Variants in STK26 observed in about 807,000 individuals in gnomAD.
The protein encoded by STK26 is serine/threonine-protein kinase 26.
Under a neutral mutation model 34.7 loss-of-function variants are expected in STK26, and 14 were observed. That is an observed-to-expected ratio of 0.40 (90% CI 0.27 to 0.63). STK26 has a LOEUF of 0.63. Among genes scored for constraint, STK26 ranks in the 30% least tolerant of loss-of-function variants. The pLI is 0.38. For synonymous variants in STK26, 100 were observed against 109.8 expected (o/e 0.91, Z 0.56); for missense variants, 226 against 309.1 (o/e 0.73, Z 2.02).
chrX:132,072,241 T>C (rs996160993), intron 8 of STK26, 27 bp from the exon 9 acceptor site: 5 of 1,131,333 alleles, frequency 4.4e-6, no homozygotes, highest in African/African-American at 3.6e-5. Flanking sequence ...TGGGCACTTA[T>C]AGAGGTATCT....
chrX:132,050,135 C>T (rs2124163770), intron 2 of STK26, among the ~76,000 whole-genome samples: 1 of 111,190 alleles, frequency 9.0e-6, no homozygotes, highest in South Asian at 3.8e-4. Flanking sequence ...AAGACTAATT[C>T]TAAATCCGTC....
At chrX:132,051,437 A>G (rs1358695357) in intron 2 of STK26, among the ~76,000 whole-genome samples, 1 of 111,380 alleles carries the variant, frequency 9.0e-6, no homozygotes, top group Non-Finnish European at 1.9e-5. Context: ...ATCATCTGTC[A>G]TTAATAAGTC....
At chrX:132,046,120 A>G (rs1926490915) in intron 2 of STK26, among the ~76,000 whole-genome samples, 1 of 112,112 alleles carries the variant, frequency 8.9e-6, no homozygotes, top group South Asian at 3.7e-4. Context: ...GAAATGTCTC[A>G]TTCTTCTTTA....
At position 132,067,311 on chromosome X, in the gene STK26, T is replaced by C. The variant is rs147829879; in HGVS notation, c.331-904T>C. Among the ~76,000 whole-genome samples the C allele has an allele frequency of 4.3e-3, 475 of 111,700 alleles. 5 individuals carry two copies. The highest frequency in any genetic ancestry group is 0.014 in the African/African-American group (446 of 30,801). ...CAGTGTGAGGCAGAGTGGGCAATGT[T>C]TGATTTTCACCACCTCTTCCCTCCT... On this transcript the variant is annotated intron_variant, in intron 4 of 11. Transcript: ENST00000394334.
intron 3 of STK26, among the ~76,000 whole-genome samples, chrX:132,057,325 A>G (rs924462012): frequency 1.8e-5 from 2 of 111,829 alleles, no homozygotes; most frequent in Non-Finnish European, 1.9e-5. Flanking sequence ...TCTGCAGAGC[A>G]GGCCACTGGG....
chrX:132,028,578 T>A (rs891411947), intron 2 of STK26, among the ~76,000 whole-genome samples: 5 of 111,420 alleles, frequency 4.5e-5, no homozygotes, highest in African/African-American at 1.6e-4. Flanking sequence ...ACTAGAGACA[T>A]CAAGGAGGGA....
At position 132,071,217 on chromosome X, in the gene STK26, C is replaced by T. The variant is rs981132606; in HGVS notation, c.932C>T (p.Ser311Leu). 2.5e-6 allele frequency: 3 copies of T among 1,204,769 alleles called. No homozygotes were observed. Among genetic ancestry groups the T allele is most frequent in the South Asian group, 1.8e-5 (1 of 55,465 alleles). ...GAATCTGATTCCGAGGGCTCTGATT[C>T]GTATGTACAAATTATTTAATTTTTA... Reference protein sequence around the residue: ...DDESDSEGSDSESTSRENNTH... With the variant: ...DDESDSEGSDLESTSRENNTH... The change falls in exon 8 of 12, where the codon TCG becomes TTG. Residue 311 changes from serine (S) to leucine (L), a missense_variant and splice_region_variant. Ser to Leu is a moderately radical substitution (Grantham distance 145, BLOSUM62 -2). Coordinates refer to ENST00000394334, the MANE Select transcript of STK26 (RefSeq NM_016542.4).
chrX:132,073,010 C>T lies in STK26; in HGVS notation c.1143C>T (p.Leu381=), dbSNP rs34419165. ...GCAGGAATCAGGCGATTGAAGAACT[C>T]GAGAAAAGTATTGCTGTGGCTGAAG... ...NASRNQAIEE[L]EKSIAVAEAA... The change falls in exon 11 of 12, where the codon CTC becomes CTT. Residue 381 remains leucine, a synonymous_variant. Transcript: ENST00000394334. 4.1e-6 allele frequency: 5 copies of T among 1,210,216 alleles called. No homozygotes were observed. Among genetic ancestry groups the T allele is most frequent in the Admixed American group, 4.4e-5 (2 of 45,940 alleles).
At position 132,074,234 on chromosome X, in the gene STK26, TAACCC is replaced by T; in HGVS notation, c.*77_*81del. 1 of 1,031,797 alleles carries T rather than the reference TAACCC, an allele frequency of 9.7e-7. No individual in the cohort carries two copies. The highest frequency in any genetic ancestry group is 1.3e-6 in the Non-Finnish European group (1 of 750,756). The allele number at this position is 1,031,797 out of a possible 1,213,427, so 85.0% of individuals were successfully genotyped here. A position where few individuals can be genotyped will look rare whatever the true frequency, so the allele number is the denominator to read the frequency against. ...AACCTACGTCAAGATTAACAATGCT[TAACCC>T]ATGAGCTCCATGTGCCTTTTGGATC... On this transcript the variant is annotated 3_prime_UTR_variant, in exon 12 of 12. Coordinates refer to ENST00000394334, the MANE Select transcript of STK26 (RefSeq NM_016542.4).
chrX:132,037,857 G>A (rs1244258782), intron 2 of STK26, among the ~76,000 whole-genome samples: 1 of 102,307 alleles, frequency 9.8e-6, no homozygotes, highest in Non-Finnish European at 2.0e-5. Context: ...TCTGTCACAG[G>A]CTTCTCAAAG....
intron 11 of STK26, among the ~76,000 whole-genome samples, chrX:132,073,470 T>G (rs1355097232): frequency 9.0e-6 from 1 of 111,531 alleles, no homozygotes; most frequent in East Asian, 2.8e-4. Flanking sequence ...GTTGCATAGT[T>G]TCCAGTGCTA....
At chrX:132,069,453 T>TATATATATA (rs1927340488) in intron 6 of STK26, 25 bp from the exon 7 acceptor site, 1 of 303,814 alleles carries the variant, frequency 3.3e-6, no homozygotes, top group African/African-American at 4.0e-5. Flanking sequence ...ATATATATAT[T>TATATATATA]ATTTTCTTTT....
At position 132,072,839 on chromosome X, in the gene STK26, T is replaced by A; in HGVS notation, c.1053T>A (p.Ser351Arg). ...AGCAAGATCTTGTGCAAACCCTGAG[T>A]TGTTTGTCTATGATAATCACACCTG... ...GAEQDLVQTL[S>R]CLSMIITPAF... Residue 351 changes from serine to arginine, a missense_variant, in exon 10 of 12, where the codon AGT (serine) becomes AGA (arginine). This residue lies in a region of STK26 where 126 missense variants were observed against 132.4 expected (regional missense o/e 0.95). Coordinates refer to ENST00000394334, the MANE Select transcript of STK26 (RefSeq NM_016542.4). The A allele has an allele frequency of 3.3e-6, 4 of 1,211,074 alleles. No individual in the cohort carries two copies. Among genetic ancestry groups the A allele is most frequent in the Non-Finnish European group, 4.5e-6 (4 of 894,757 alleles).
chrX:132,025,749 G>A (rs1935087424), intron 2 of STK26, among the ~76,000 whole-genome samples: 2 of 95,908 alleles, frequency 2.1e-5, no homozygotes, highest in Admixed American at 2.5e-4. Flanking sequence ...TAAGCACTTT[G>A]TGCAGCACAC....
chrX:132,037,356 AACAT>A (rs1339212510), intron 2 of STK26, among the ~76,000 whole-genome samples: 2 of 112,047 alleles, frequency 1.8e-5, no homozygotes, highest in Non-Finnish European at 3.8e-5. Context: ...AACAGTCTGT[AACAT>A]ACAGAGTACA....
intron 3 of STK26, among the ~76,000 whole-genome samples, chrX:132,058,473 G>C (rs750385032): frequency 9.0e-6 from 1 of 110,738 alleles, no homozygotes; most frequent in South Asian, 3.8e-4. Flanking sequence ...TTGAAAATTG[G>C]TACTGATATG....
intron 3 of STK26, among the ~76,000 whole-genome samples, chrX:132,057,041 G>A (rs1926884409): frequency 8.9e-6 from 1 of 112,137 alleles, no homozygotes; most frequent in South Asian, 3.7e-4. Flanking sequence ...CCTGGGGTGT[G>A]AGCTAGCTCA....
chrX:132,029,478 A>G (rs967323743), intron 2 of STK26, among the ~76,000 whole-genome samples: 6 of 110,326 alleles, frequency 5.4e-5, no homozygotes, highest in African/African-American at 2.0e-4. Flanking sequence ...GGCTAATCAC[A>G]TGAAAACACT....
intron 2 of STK26, among the ~76,000 whole-genome samples, chrX:132,024,550 AT>A (rs1044990916): frequency 1.8e-5 from 2 of 109,897 alleles, no homozygotes; most frequent in Non-Finnish European, 1.9e-5. Context: ...TTCATGTTCT[AT>A]TTTTTTTTCC....
Sources: allele counts gnomAD v4.1 joint callset (sites outside exome capture counted in the v4.1 genomes callset), GRCh38; gene constraint gnomAD v4.1.1; regional missense constraint gnomAD v4.1.1; transcripts MANE v1.5; gene names NCBI Gene and HGNC (gene_info 2026-07-23, HGNC 2026-07-21).